HEATR4: variants seen among roughly 807,000 people sequenced by gnomAD.
HEATR4 encodes HEAT repeat containing 4.
A neutral mutation model predicts 108.8 loss-of-function variants in HEATR4; 95 were observed. The observed-to-expected ratio is 0.87, with a 90% confidence interval of 0.74 to 1.04. The LOEUF (loss-of-function observed/expected upper bound fraction) is 1.04, where lower values mean the gene tolerates loss of function less well. Among genes scored for constraint, HEATR4 ranks in the 50% least tolerant of loss-of-function variants. The pLI, the probability that HEATR4 is intolerant of heterozygous loss-of-function variation, is 0.00. For missense variants in HEATR4, 1,152 were observed against 1,253.8 expected (o/e 0.92, Z 1.23); for synonymous variants, 443 against 459.4 (o/e 0.96, Z 0.46).
chr14:73,578,808 C>T, the HEATR4 span, among the ~76,000 whole-genome samples: 1 of 151,602 alleles, frequency 6.6e-6, no homozygotes, highest in South Asian at 2.1e-4. Context: ...AAAAATTGGC[C>T]AGGCGCGGTG....
chr14:73,518,018 G>A (rs1032654027), intron 5 of HEATR4, among the ~76,000 whole-genome samples: 3 of 152,136 alleles, frequency 2.0e-5, no homozygotes, highest in South Asian at 2.1e-4. Flanking sequence ...CCCAGGAGGC[G>A]GAGGTTGCAG....
chr14:73,590,330 G>T, the HEATR4 span, among the ~76,000 whole-genome samples: 1 of 152,154 alleles, frequency 6.6e-6, no homozygotes, highest in Non-Finnish European at 1.5e-5. Flanking sequence ...CTAGACACAG[G>T]GTGCTGATTG....
At chr14:73,576,660 G>A in the HEATR4 span, among the ~76,000 whole-genome samples, 1 of 151,166 alleles carries the variant, frequency 6.6e-6, no homozygotes, top group Admixed American at 6.6e-5. Flanking sequence ...CCAGACATTG[G>A]TGGTGCATGC....
At chr14:73,561,683 C>CA (rs1046340311), upstream of HEATR4, among the ~76,000 whole-genome samples, 2 of 149,188 alleles carry the variant, frequency 1.3e-5, no homozygotes, top group Admixed American at 6.7e-5. Flanking sequence ...AACTCTGTCT[C>CA]AAAAAAAATG....
Position 73,521,010 on chromosome 14 carries a change from G to A in HEATR4, c.911C>T (p.Thr304Ile), listed in dbSNP as rs1319712556. ...RLPSYFQQAE[T>I]VEIMPGNKST... ...CTTGTTGCCAGGCATGATCTCAACT[G>A]TCTCTGCTTGTTGGAAGTAACTGGG... Residue 304 changes from threonine (T) to isoleucine (I), a missense_variant, in exon 4 of 18, where the codon ACA (threonine) becomes ATA (isoleucine). Coordinates refer to ENST00000553558, the MANE Select transcript of HEATR4 (RefSeq NM_001220484.1). The A allele has an allele frequency of 4.2e-5, 68 of 1,613,534 alleles. No individual in the cohort carries two copies. Among genetic ancestry groups the A allele is most frequent in the Non-Finnish European group, 5.7e-5 (67 of 1,179,986 alleles).
chr14:73,499,120 G>A lies in HEATR4; in HGVS notation c.2307C>T (p.Asn769=). 6.2e-7 allele frequency: 1 copy of A among 1,614,182 alleles called. No homozygotes were observed. The highest frequency in any genetic ancestry group is 8.5e-7 in the Non-Finnish European group (1 of 1,180,002). The change falls in exon 13 of 18, where the codon AAC becomes AAT. Residue 769 remains asparagine (N), a synonymous_variant. Coordinates refer to ENST00000553558, the MANE Select transcript of HEATR4 (RefSeq NM_001220484.1). ...RDKMVLECLL[N]LMQRDPYWKI... Reference sequence around the variant, plus strand: ...TCCAGTAAGGATCTCTCTGCATCAGGTTCAGGAGGCATTCAAGCACCTGGG... The same window carrying A: ...TCCAGTAAGGATCTCTCTGCATCAGATTCAGGAGGCATTCAAGCACCTGGG...
chr14:73,485,079 G>T (rs930352900), intron 17 of HEATR4, among the ~76,000 whole-genome samples: 1 of 151,942 alleles, frequency 6.6e-6, no homozygotes, highest in African/African-American at 2.4e-5. Flanking sequence ...CAGGAGAATC[G>T]CTTGAACCTG....
intron 15 of HEATR4, among the ~76,000 whole-genome samples, chr14:73,495,761 T>G (rs958506863): frequency 4.6e-5 from 7 of 152,220 alleles, no homozygotes; most frequent in Admixed American, 1.3e-4. Context: ...TGATGTGAAG[T>G]TGGTTTCTTG....
chr14:73,612,018 T>C, the HEATR4 span, among the ~76,000 whole-genome samples: 7 of 152,066 alleles, frequency 4.6e-5, no homozygotes, highest in East Asian at 7.7e-4. Context: ...ACTCACCACA[T>C]TGGATTGCAG....
chr14:73,566,272 C>T, the HEATR4 span, among the ~76,000 whole-genome samples: 1 of 152,102 alleles, frequency 6.6e-6, no homozygotes, highest in Non-Finnish European at 1.5e-5. Flanking sequence ...CTGGCTTCAC[C>T]CAGTGGATCG....
chr14:73,628,763 A>AAG, the HEATR4 span, among the ~76,000 whole-genome samples: 1 of 151,468 alleles, frequency 6.6e-6, no homozygotes, highest in Non-Finnish European at 1.5e-5. Flanking sequence ...CAAAAAAAAA[A>AAG]AAAAATTTGC....
chr14:73,579,281 A>G, the HEATR4 span, among the ~76,000 whole-genome samples: 2 of 147,052 alleles, frequency 1.4e-5, no homozygotes, highest in Non-Finnish European at 3.0e-5. Context: ...AAAAAAAAAA[A>G]AAAAAAAAAA....
the HEATR4 span, chr14:73,619,567 G>C: frequency 1.2e-6 from 2 of 1,614,234 alleles, no homozygotes; most frequent in Non-Finnish European, 1.7e-6. Flanking sequence ...CTGGAAGAGT[G>C]AATTCTATGC....
chr14:73,605,553 A>ATTT, the HEATR4 span, among the ~76,000 whole-genome samples: 5 of 93,034 alleles, frequency 5.4e-5, no homozygotes, highest in South Asian at 3.6e-4. Context: ...AGGCTGTAAG[A>ATTT]TTCTTTTTTT....
chr14:73,620,236 C>T, the HEATR4 span, among the ~76,000 whole-genome samples: 85 of 152,060 alleles, frequency 5.6e-4, no homozygotes, highest in Non-Finnish European at 9.1e-4. Flanking sequence ...TCCCAGAGCC[C>T]GTAGCAACCT....
chr14:73,598,197 C>T, the HEATR4 span, among the ~76,000 whole-genome samples: 1 of 137,038 alleles, frequency 7.3e-6, no homozygotes, highest in Non-Finnish European at 1.6e-5. Context: ...CATGGTGAAA[C>T]CCCGTCTCTA....
rs1885879408 is a variant in HEATR4 at position 73,492,997 on chromosome 14, A to AC, written c.2844+68dup. 1.9e-5 allele frequency: 26 copies of AC among 1,376,178 alleles called. No homozygotes were observed. The highest frequency in any genetic ancestry group is 2.5e-5 in the Non-Finnish European group (26 of 1,044,588). The allele number at this position is 1,376,178 out of a possible 1,614,324, so 85.2% of individuals were successfully genotyped here. On this transcript the variant is annotated intron_variant, in intron 17 of 17. Transcript: ENST00000553558. The surrounding 1 kb of genome is among the most constrained non-coding windows in gnomAD (Gnocchi z 4.9). ...GTAGTGATTCTCCGCTGCCACTGCT[A>AC]CCTTTTTTTTTTTTTTTTCCTTAAA...
At chr14:73,500,814 A>G (rs747140252) in intron 11 of HEATR4, 84 bp from the exon 12 acceptor site, 3 of 1,336,896 alleles carry the variant, frequency 2.2e-6, no homozygotes, top group Non-Finnish European at 3.1e-6. Flanking sequence ...CTCATGATAA[A>G]ATCCGGGTTC....
the HEATR4 span, among the ~76,000 whole-genome samples, chr14:73,589,193 G>C: frequency 6.6e-6 from 1 of 152,182 alleles, no homozygotes; most frequent in African/African-American, 2.4e-5. Flanking sequence ...GTATCATACA[G>C]AACAGCTTCA....
Sources: allele counts gnomAD v4.1 joint callset (sites outside exome capture counted in the v4.1 genomes callset), GRCh38; gene constraint gnomAD v4.1.1; non-coding constraint Gnocchi (gnomAD v3.1); transcripts MANE v1.5; gene names NCBI Gene and HGNC (gene_info 2026-07-23, HGNC 2026-07-21).